The following MB21D2 variants were observed in gnomAD, a reference collection of about 807,000 sequenced individuals.
The protein encoded by MB21D2 is nucleotidyltransferase MB21D2.
A neutral mutation model predicts 33.3 loss-of-function variants in MB21D2; 9 were observed. The observed-to-expected ratio is 0.27, with a 90% CI of 0.16 to 0.47. MB21D2 has a LOEUF of 0.47. MB21D2 is among the 20% of genes least tolerant of loss of function. The probability of loss-of-function intolerance (pLI) is 0.99; values close to 1 mark genes in which losing one functional copy is unlikely to be tolerated. For synonymous variants in MB21D2, 241 were observed against 236.3 expected (o/e 1.02, Z -0.18); for missense variants, 540 against 624.6 (o/e 0.86, Z 1.44).
At position 192,799,323 on chromosome 3, in the gene MB21D2, GAGA is replaced by G. The variant is rs1317193642; in HGVS notation, c.536_538del (p.Phe179del). The G allele has an allele frequency of 4.3e-6, 7 of 1,614,136 alleles. No individual in the cohort carries two copies. The highest frequency in any genetic ancestry group is 1.6e-4 in the Middle Eastern group (1 of 6,084). On this transcript the variant is annotated inframe_deletion, in exon 2 of 2. Transcript: ENST00000392452. The surrounding 1 kb of genome is among the most constrained non-coding windows in gnomAD (Gnocchi z 4.1). ...GAACCAGTCAGCCACTTTGGTAGGT[GAGA>G]AGAAGTAGTTGGTGGCACCATTGAT...
intron 1 of MB21D2, among the ~76,000 whole-genome samples, chr3:192,874,285 G>A (rs1713382416): frequency 1.3e-5 from 2 of 152,110 alleles, no homozygotes; most frequent in South Asian, 4.1e-4. Context: ...AGAAGAAAAA[G>A]CATTTGTTGA....
chr3:192,891,297 A>AGCC (rs1713848664), intron 1 of MB21D2, among the ~76,000 whole-genome samples: 1 of 152,230 alleles, frequency 6.6e-6, no homozygotes, highest in Non-Finnish European at 1.5e-5. Flanking sequence ...TGCAAGCCAA[A>AGCC]TTCAGACTGC....
At chr3:192,892,795 T>C (rs981364863) in intron 1 of MB21D2, among the ~76,000 whole-genome samples, 4 of 152,212 alleles carry the variant, frequency 2.6e-5, no homozygotes, top group Admixed American at 6.5e-5. Flanking sequence ...GCTAATATTA[T>C]AGCAACTGAA....
At chr3:192,836,543 A>C (rs1712443166) in intron 1 of MB21D2, among the ~76,000 whole-genome samples, 1 of 152,232 alleles carries the variant, frequency 6.6e-6, no homozygotes, top group African/African-American at 2.4e-5. Context: ...ATCTGGATGC[A>C]CAAGGGTGCA....
chr3:192,816,327 C>T (rs979291633), intron 1 of MB21D2, among the ~76,000 whole-genome samples: 1 of 151,966 alleles, frequency 6.6e-6, no homozygotes, highest in Admixed American at 6.6e-5. Flanking sequence ...ACAAAAATGA[C>T]ATTTTGTACA....
At chr3:192,816,373 T>A (rs933024020) in intron 1 of MB21D2, among the ~76,000 whole-genome samples, 2 of 152,162 alleles carry the variant, frequency 1.3e-5, no homozygotes, top group African/African-American at 2.4e-5. Flanking sequence ...AACTTTCAGA[T>A]GAAAAATTCC....
chr3:192,879,205 T>C (rs1483525924), intron 1 of MB21D2, among the ~76,000 whole-genome samples: 2 of 152,156 alleles, frequency 1.3e-5, no homozygotes, highest in African/African-American at 2.4e-5. Flanking sequence ...GAAGGAAAGC[T>C]CAAAAATCTC....
chr3:192,870,699 G>GAA lies in MB21D2; in HGVS notation c.211+46929_211+46930dup, dbSNP rs57320648. ...GCACTCCAGCCTGGGCGACTCCGTT[G>GAA]AAAAAAAAAAAAAAAAAAAAGGAAG... On this transcript the variant is annotated intron_variant, in intron 1 of 1. Coordinates refer to ENST00000392452, the MANE Select transcript of MB21D2 (RefSeq NM_178496.4). Among the ~76,000 whole-genome samples, 133 of 41,658 alleles carry GAA rather than the reference G, an allele frequency of 3.2e-3. 4 individuals are homozygous for GAA. Among genetic ancestry groups the GAA allele is most frequent in the African/African-American group, 0.014 (128 of 9,204 alleles). The allele number at this position is 41,658 out of a possible 152,430, so 27.3% of individuals were successfully genotyped here.
Position 192,798,402 on chromosome 3 carries a change from T to G in MB21D2, c.1460A>C (p.Asp487Ala), listed in dbSNP as rs1172061041. 6.2e-7 allele frequency: 1 copy of G among 1,613,300 alleles called. No individual in the cohort carries two copies. ...DDVTRPHFRI[D>A]DKFF The stretch of plus-strand genomic sequence containing the variant: ...AGCTAACACTCAGAAAAATTTGTCA[T>G]CAATTCTGAAATGGGGCCTTGTGAC... The change falls in exon 2 of 2, where the codon GAT (aspartate) becomes GCT (alanine). Residue 487 changes from aspartate to alanine, a missense_variant. By Grantham distance (126) the Asp-to-Ala change is moderately radical. Coordinates refer to ENST00000392452, the MANE Select transcript of MB21D2 (RefSeq NM_178496.4). The surrounding 1 kb of genome is among the most constrained non-coding windows in gnomAD (Gnocchi z 4.8).
chr3:192,913,054 A>G (rs2108657087), intron 1 of MB21D2, among the ~76,000 whole-genome samples: 1 of 152,334 alleles, frequency 6.6e-6, no homozygotes, highest in East Asian at 1.9e-4. Flanking sequence ...GGGCTACCCT[A>G]ATTGTACTGC....
chr3:192,884,427 C>T (rs7645385), intron 1 of MB21D2, among the ~76,000 whole-genome samples: 106,152 of 151,240 alleles, frequency 0.7, 38,676 homozygotes, highest in African/African-American at 0.91. Context: ...AGTGCAGTGG[C>T]GCGATCTAGG....
intron 1 of MB21D2, among the ~76,000 whole-genome samples, chr3:192,842,211 T>C (rs574644794): frequency 1.2e-4 from 18 of 152,250 alleles, no homozygotes; most frequent in African/African-American, 4.3e-4. Flanking sequence ...GAAGTAGGAA[T>C]GGATTGAAGA....
At chr3:192,821,291 G>C (rs1479366538) in intron 1 of MB21D2, among the ~76,000 whole-genome samples, 2 of 152,168 alleles carry the variant, frequency 1.3e-5, no homozygotes, top group Non-Finnish European at 2.9e-5. Flanking sequence ...CATAGTCAGT[G>C]GATCTGATAG....
chr3:192,859,281 G>T (rs891407643), intron 1 of MB21D2, among the ~76,000 whole-genome samples: 2 of 152,190 alleles, frequency 1.3e-5, no homozygotes, highest in African/African-American at 4.8e-5. Flanking sequence ...GGCACTAGAA[G>T]AGAGTACACA....
At chr3:192,902,483 T>G (rs1311229880) in intron 1 of MB21D2, among the ~76,000 whole-genome samples, 1 of 152,176 alleles carries the variant, frequency 6.6e-6, no homozygotes, top group East Asian at 1.9e-4. Context: ...TTAAATGGAT[T>G]AATAATTCTA....
At position 192,826,369 on chromosome 3, in the gene MB21D2, G is replaced by C. The variant is rs192732553; in HGVS notation, c.212-26719C>G. 5.2e-4 allele frequency among the ~76,000 whole-genome samples: 79 copies of C among 152,336 alleles called. 1 individual carries two copies. The highest frequency in any genetic ancestry group is 1.0e-4 in the Non-Finnish European group (7 of 68,030). On this transcript the variant is annotated intron_variant, in intron 1 of 1. Transcript: ENST00000392452. ...AAAGGAAAATTGAGTCAAGGCACGTGTAGCAAATGGTGGAGGGATTTAAAC... is the reference window on the plus strand; with the variant it reads ...AAAGGAAAATTGAGTCAAGGCACGTCTAGCAAATGGTGGAGGGATTTAAAC...
intron 1 of MB21D2, among the ~76,000 whole-genome samples, chr3:192,823,065 C>T (rs912730661): frequency 6.6e-6 from 1 of 152,208 alleles, no homozygotes; most frequent in Admixed American, 6.5e-5. Flanking sequence ...ATATCTGATA[C>T]ATTTATAAGC....
chr3:192,896,365 C>T (rs1713972980), intron 1 of MB21D2, among the ~76,000 whole-genome samples: 1 of 152,090 alleles, frequency 6.6e-6, no homozygotes, highest in South Asian at 2.1e-4. Flanking sequence ...CAGCGTCCTT[C>T]GCCTTTTTTT....
intron 1 of MB21D2, among the ~76,000 whole-genome samples, chr3:192,874,314 G>C (rs1713383070): frequency 6.6e-6 from 1 of 152,174 alleles, no homozygotes; most frequent in South Asian, 2.1e-4. Flanking sequence ...CTGAACAAAT[G>C]AATAAATGAG....
Sources: allele counts gnomAD v4.1 joint callset (sites outside exome capture counted in the v4.1 genomes callset), GRCh38; gene constraint gnomAD v4.1.1; non-coding constraint Gnocchi (gnomAD v3.1); transcripts MANE v1.5; gene names NCBI Gene and HGNC (gene_info 2026-07-23, HGNC 2026-07-21).